The following PTPRK variants were observed in gnomAD, a reference collection of about 807,000 sequenced individuals.
PTPRK encodes receptor-type tyrosine-protein phosphatase kappa.
A neutral mutation model predicts 178.0 loss-of-function variants in PTPRK; 75 were observed. The ratio of observed to expected loss-of-function variants is 0.42; its 90% CI spans 0.35 to 0.51. The LOEUF is 0.51. PTPRK is among the 20% of genes least tolerant of loss of function. PTPRK has a pLI of 0.02. For synonymous variants in PTPRK, 637 were observed against 620.6 expected, an observed-to-expected ratio of 1.03 and a Z score of -0.39; for missense variants, 1,441 against 1,797.8, an observed-to-expected ratio of 0.80 and a Z score of 3.59.
At chr6:127,990,347 T>C (rs1776464586) in intron 21 of PTPRK, among the ~76,000 whole-genome samples, 1 of 152,058 alleles carries the variant, frequency 6.6e-6, no homozygotes, top group Non-Finnish European at 1.5e-5. Flanking sequence ...ACATAACCCG[T>C]CACTCCCTCA....
intron 24 of PTPRK, among the ~76,000 whole-genome samples, chr6:127,982,464 C>T (rs538003813): frequency 3.0e-4 from 46 of 152,054 alleles, no homozygotes; most frequent in Middle Eastern, 3.4e-3. Flanking sequence ...TTAGTAGAGA[C>T]GGGGTTTCAC....
In PTPRK at chr6:127,995,482, T is replaced by C; in HGVS notation, c.2824A>G (p.Ile942Val). The C allele has an allele frequency of 1.3e-6, 2 of 1,597,938 alleles. No individual in the cohort carries two copies. Among genetic ancestry groups the C allele is most frequent in the Non-Finnish European group, 1.7e-6 (2 of 1,168,608 alleles). The change falls in exon 18 of 30, where the codon ATT (isoleucine) becomes GTT (valine). Residue 942 changes from isoleucine (I) to valine (V), a missense_variant. This residue lies in a region of PTPRK where 945 missense variants were observed against 1,080.6 expected (regional missense o/e 0.87). Coordinates refer to ENST00000368226, the MANE Select transcript of PTPRK (RefSeq NM_002844.4). ...CTTACATCAATATAGTTGGCATTAA[T>C]ATAATCTGAGGAAGGATCATCCTCT... ...PVEDDPSSDY[I>V]NANYIDGYQR...
At chr6:128,276,222 T>C (rs1158177540) in intron 3 of PTPRK, among the ~76,000 whole-genome samples, 2 of 152,130 alleles carry the variant, frequency 1.3e-5, no homozygotes, top group Non-Finnish European at 2.9e-5. Context: ...GTAATTTAAA[T>C]ACAAATTTCT....
intron 13 of PTPRK, among the ~76,000 whole-genome samples, chr6:128,052,147 C>T (rs1191272901): frequency 6.6e-6 from 1 of 152,146 alleles, no homozygotes; most frequent in East Asian, 1.9e-4. Flanking sequence ...GAAAAACACA[C>T]AAAGTTACAG....
chr6:128,258,806 G>A (rs1221298352), intron 3 of PTPRK, among the ~76,000 whole-genome samples: 1 of 152,156 alleles, frequency 6.6e-6, no homozygotes, highest in Non-Finnish European at 1.5e-5. Flanking sequence ...CCAGGCGGAG[G>A]GAATGACAGG....
At chr6:128,310,973 G>T (rs1827156538) in intron 3 of PTPRK, among the ~76,000 whole-genome samples, 1 of 152,088 alleles carries the variant, frequency 6.6e-6, no homozygotes, top group Non-Finnish European at 1.5e-5. Flanking sequence ...GCATAATCTG[G>T]ACATCCTTCA....
chr6:128,347,062 A>G (rs1023037336), intron 2 of PTPRK, among the ~76,000 whole-genome samples: 1 of 152,174 alleles, frequency 6.6e-6, no homozygotes, highest in African/African-American at 2.4e-5. Flanking sequence ...ATTCTATTTC[A>G]TATAGTATAT....
intron 2 of PTPRK, among the ~76,000 whole-genome samples, chr6:128,365,240 A>G (rs765860878): frequency 1.2e-4 from 19 of 152,052 alleles, no homozygotes; most frequent in Non-Finnish European, 2.4e-4. Flanking sequence ...GGCTTTTGTT[A>G]GGGGTACTGT....
intron 15 of PTPRK, chr6:128,000,024 A>C (rs1383085370): frequency 1.0e-6 from 1 of 953,334 alleles, no homozygotes; most frequent in African/African-American, 1.8e-5. Context: ...TGACCGAAGT[A>C]CTAAACATTA....
intron 3 of PTPRK, among the ~76,000 whole-genome samples, chr6:128,261,625 C>G (rs1323657911): frequency 6.6e-6 from 1 of 152,150 alleles, no homozygotes; most frequent in African/African-American, 2.4e-5. Context: ...CTGTATCTGT[C>G]TACATAGTAG....
At chr6:128,356,222 T>C (rs920388593) in intron 2 of PTPRK, among the ~76,000 whole-genome samples, 1 of 152,186 alleles carries the variant, frequency 6.6e-6, no homozygotes, top group Admixed American at 6.6e-5. Flanking sequence ...TTGACTAATC[T>C]GGCCCCTGCA....
chr6:128,327,118 CAT>C (rs1309085496), intron 2 of PTPRK, among the ~76,000 whole-genome samples: 2 of 151,754 alleles, frequency 1.3e-5, no homozygotes, highest in East Asian at 3.9e-4. Context: ...AGGAAAATAA[CAT>C]AATCTAGTAT....
chr6:128,176,071 C>G (rs1028460347), intron 7 of PTPRK, among the ~76,000 whole-genome samples: 7 of 151,790 alleles, frequency 4.6e-5, no homozygotes, highest in African/African-American at 1.7e-4. Context: ...AATGACTCTG[C>G]TTTAATATTC....
chr6:128,161,122 A>T (rs1461613150), intron 7 of PTPRK, among the ~76,000 whole-genome samples: 1 of 151,722 alleles, frequency 6.6e-6, no homozygotes, highest in African/African-American at 2.4e-5. Context: ...TAAAAGATAC[A>T]ACTTCTTAGC....
chr6:128,406,496 T>C (rs1453480769), intron 1 of PTPRK, among the ~76,000 whole-genome samples: 1 of 152,124 alleles, frequency 6.6e-6, no homozygotes, highest in Non-Finnish European at 1.5e-5. Flanking sequence ...ACCAGTATAT[T>C]AACTATTGCT....
At chr6:128,106,719 T>C (rs1789780729) in intron 7 of PTPRK, among the ~76,000 whole-genome samples, 1 of 152,180 alleles carries the variant, frequency 6.6e-6, no homozygotes, top group African/African-American at 2.4e-5. Flanking sequence ...ACATTAGTAC[T>C]GAATATTTCA....
At chr6:128,171,354 A>C (rs1167659109) in intron 7 of PTPRK, among the ~76,000 whole-genome samples, 2 of 152,014 alleles carry the variant, frequency 1.3e-5, no homozygotes, top group African/African-American at 4.8e-5. Context: ...TATTGCCACA[A>C]GCATGAGGTT....
intron 2 of PTPRK, among the ~76,000 whole-genome samples, chr6:128,381,842 CG>C (rs1300977560): frequency 3.3e-5 from 5 of 152,058 alleles, no homozygotes; most frequent in African/African-American, 1.2e-4. Flanking sequence ...ATTTGTAAAA[CG>C]GAAGTTTAGA....
intron 6 of PTPRK, among the ~76,000 whole-genome samples, chr6:128,205,433 A>C (rs763386464): frequency 7.9e-5 from 12 of 152,050 alleles, no homozygotes; most frequent in Non-Finnish European, 1.8e-4. Flanking sequence ...TTGAAGAAAA[A>C]CAAAAGGAAA....
Sources: allele counts gnomAD v4.1 joint callset (sites outside exome capture counted in the v4.1 genomes callset), GRCh38; gene constraint gnomAD v4.1.1; regional missense constraint gnomAD v4.1.1; transcripts MANE v1.5; gene names NCBI Gene and HGNC (gene_info 2026-07-23, HGNC 2026-07-21).